The following STIM1 variants were observed in gnomAD, a reference collection of about 807,000 sequenced individuals.
The protein encoded by STIM1 is stromal interaction molecule 1.
A neutral mutation model predicts 74.7 loss-of-function variants in STIM1; 25 were observed. That is an observed-to-expected ratio of 0.33 (90% CI 0.24 to 0.47). The LOEUF (loss-of-function observed/expected upper bound fraction) is 0.47, where lower values mean the gene tolerates loss of function less well. Ranked by LOEUF, STIM1 falls within the 20% of genes least tolerant of loss-of-function variation. STIM1 has a pLI of 1.00. For missense variants in STIM1, 728 were observed against 920.8 expected, an observed-to-expected ratio of 0.79 and a Z score of 2.71; for synonymous variants, 328 against 348.8, an observed-to-expected ratio of 0.94 and a Z score of 0.66.
At chr11:3,989,344 GC>G (rs1358005848) in intron 2 of STIM1, 17 of 823,648 alleles carry the variant, frequency 2.1e-5, no homozygotes, top group Non-Finnish European at 3.5e-5. Context: ...CTTTGCTGCT[GC>G]CTTTTTCGGC....
intron 7 of STIM1, among the ~76,000 whole-genome samples, chr11:4,074,988 A>C (rs2094429695): frequency 6.6e-6 from 1 of 152,052 alleles, no homozygotes; most frequent in South Asian, 2.1e-4. Flanking sequence ...AAAATACAAA[A>C]AAATTAGCCG....
rs139432975 is a variant in STIM1 at position 4,091,553 on chromosome 11, C to G, written c.1906C>G (p.Pro636Ala). The part of the protein sequence containing the change: ...SLMELSPSAP[P>A]GGSPHLDSSR... ...GATGGAGCTGAGCCCCTCAGCCCCA[C>G]CTGGTGGCTCTCCACATTTGGATTC... Residue 636 changes from proline (P) to alanine (A), a missense_variant, in exon 13 of 13, where the codon CCT becomes GCT. Coordinates refer to ENST00000526596, the MANE Select transcript of STIM1 (RefSeq NM_001382567.1). The G allele has an allele frequency of 2.0e-4, 328 of 1,614,232 alleles. 1 individual carries two copies. In the South Asian group the frequency reaches 3.1e-3, roughly 15 times the overall value.
chr11:3,895,387 T>C (rs918218563), intron 1 of STIM1, among the ~76,000 whole-genome samples: 1 of 152,174 alleles, frequency 6.6e-6, no homozygotes, highest in African/African-American at 2.4e-5. Flanking sequence ...CTATGCAGTG[T>C]GGTTCAGGGC....
chr11:4,080,035 A>G (rs1417401460), intron 7 of STIM1, among the ~76,000 whole-genome samples: 3 of 152,080 alleles, frequency 2.0e-5, no homozygotes, highest in Admixed American at 1.3e-4. Flanking sequence ...CCTGGGCAAC[A>G]TGGCAAAACC....
intron 3 of STIM1, among the ~76,000 whole-genome samples, chr11:4,024,728 T>C (rs994219386): frequency 6.6e-6 from 1 of 152,206 alleles, no homozygotes; most frequent in African/African-American, 2.4e-5. Flanking sequence ...ACCACTCTAC[T>C]GACCCATGTT....
chr11:4,022,945 A>C (rs1421892856), intron 2 of STIM1, among the ~76,000 whole-genome samples: 1 of 152,236 alleles, frequency 6.6e-6, no homozygotes, highest in East Asian at 1.9e-4. Flanking sequence ...TATTTGTTAG[A>C]AGATGAGTCA....
At chr11:3,925,483 T>C (rs141101673) in intron 1 of STIM1, among the ~76,000 whole-genome samples, 7 of 152,312 alleles carry the variant, frequency 4.6e-5, no homozygotes, top group African/African-American at 1.7e-4. Flanking sequence ...GAATAAATGT[T>C]TTACCAATAA....
At chr11:4,046,757 C>T (rs1260411291) in intron 3 of STIM1, among the ~76,000 whole-genome samples, 1 of 152,160 alleles carries the variant, frequency 6.6e-6, no homozygotes, top group East Asian at 1.9e-4. Flanking sequence ...TCAAGTTATC[C>T]TCCCACTTCA....
chr11:4,019,003 G>A (rs74051583), intron 2 of STIM1: 1,674 of 162,030 alleles, frequency 0.01, 32 homozygotes, highest in African/African-American at 0.036. Context: ...CAGAGTTCTC[G>A]CTCTTGTTGC....
At chr11:4,033,824 C>T (rs944826211) in intron 3 of STIM1, among the ~76,000 whole-genome samples, 1 of 151,802 alleles carries the variant, frequency 6.6e-6, no homozygotes. Flanking sequence ...TGGTCTCGAT[C>T]TCCTGACCTC....
At chr11:3,868,183 T>C (rs2090939099) in intron 1 of STIM1, 1 of 101,958 alleles carries the variant, frequency 9.8e-6, no homozygotes, top group Non-Finnish European at 2.0e-5. Context: ...TTCAAGAAAC[T>C]TTTGCTGACA....
intron 11 of STIM1, 55 bp downstream of exon 11, chr11:4,084,820 A>T: frequency 1.6e-6 from 2 of 1,260,868 alleles, no homozygotes; most frequent in Non-Finnish European, 2.1e-6. Context: ...GACTAAATCA[A>T]CACTCTTACC....
At chr11:4,005,911 T>C (rs182056468) in intron 2 of STIM1, among the ~76,000 whole-genome samples, 2 of 152,262 alleles carry the variant, frequency 1.3e-5, no homozygotes, top group African/African-American at 4.8e-5. Flanking sequence ...ACTCTGTAAA[T>C]GACATTTAGA....
chr11:4,023,225 A>C (rs759873725), intron 2 of STIM1, among the ~76,000 whole-genome samples: 81 of 152,244 alleles, frequency 5.3e-4, no homozygotes, highest in Non-Finnish European at 7.6e-4. Context: ...GCTACTCAGG[A>C]GGCTGAGACA....
intron 3 of STIM1, among the ~76,000 whole-genome samples, chr11:4,045,044 C>A (rs1361244356): frequency 6.6e-6 from 1 of 152,140 alleles, no homozygotes; most frequent in Non-Finnish European, 1.5e-5. Flanking sequence ...GTGACTTCTG[C>A]CTGTCACCAC....
chr11:4,049,920 GA>G (rs2094226425), intron 3 of STIM1, among the ~76,000 whole-genome samples: 1 of 152,088 alleles, frequency 6.6e-6, no homozygotes, highest in Non-Finnish European at 1.5e-5. Context: ...TACTTCATAT[GA>G]AAATGATGAA....
At chr11:3,936,595 G>T (rs1347607277) in intron 1 of STIM1, among the ~76,000 whole-genome samples, 1 of 152,168 alleles carries the variant, frequency 6.6e-6, no homozygotes, top group Non-Finnish European at 1.5e-5. Context: ...CGGCTCCTAG[G>T]CTCACATAAC....
chr11:4,003,002 T>C (rs1440698765), intron 2 of STIM1, among the ~76,000 whole-genome samples: 1 of 150,370 alleles, frequency 6.7e-6, no homozygotes, highest in East Asian at 1.9e-4. Context: ...AATGGATAAA[T>C]TCCTGGACAC....
chr11:3,889,685 C>T lies in STIM1; in HGVS notation c.139+33276C>T, dbSNP rs140810100. Among the ~76,000 whole-genome samples, 11 of 151,984 alleles carry T rather than the reference C, an allele frequency of 7.2e-5. No individual in the cohort carries two copies. The East Asian group carries it at 1.4e-3, about 19-fold the overall frequency. On this transcript the variant is annotated intron_variant, in intron 1 of 12. Transcript: ENST00000526596. ...CTTGTTAAAGTCACTTTCTATTAGCCGTATCTAGGCGCTTTTTTGAGGGTC... is the reference window on the plus strand; with the variant it reads ...CTTGTTAAAGTCACTTTCTATTAGCTGTATCTAGGCGCTTTTTTGAGGGTC...
Sources: gnomAD v4.1 joint callset for allele counts (sites outside exome capture counted in the v4.1 genomes callset) on GRCh38, gnomAD v4.1.1 for gene constraint, MANE v1.5 for transcripts, NCBI Gene and HGNC (gene_info 2026-07-23, HGNC 2026-07-21) for gene names.